The following P4HA3 variants were observed in gnomAD, a reference collection of about 807,000 sequenced individuals.
P4HA3 encodes the protein prolyl 4-hydroxylase subunit alpha 3.
Under a neutral mutation model 66.7 loss-of-function variants are expected in P4HA3, and 60 were observed. The observed-to-expected ratio is 0.90, with a 90% CI of 0.73 to 1.12. The LOEUF (loss-of-function observed/expected upper bound fraction) is 1.12, where lower values mean the gene tolerates loss of function less well. P4HA3 is among the 50% of genes most tolerant of loss of function. The pLI, the probability that P4HA3 is intolerant of heterozygous loss-of-function variation, is 0.00. For missense variants in P4HA3, 683 were observed against 685.8 expected (o/e 1.00, Z 0.05); for synonymous variants, 263 against 274.6 (o/e 0.96, Z 0.42).
intron 3 of P4HA3, among the ~76,000 whole-genome samples, chr11:74,300,494 C>G (rs1399147721): frequency 2.0e-5 from 3 of 152,150 alleles, no homozygotes; most frequent in African/African-American, 7.2e-5. Flanking sequence ...TGGGGCACAC[C>G]TGTAGTCCTA....
At chr11:74,298,150 A>G (rs1861286626) in intron 4 of P4HA3, 62 bp downstream of exon 4, 1 of 1,542,068 alleles carries the variant, frequency 6.5e-7, no homozygotes, top group African/African-American at 1.4e-5. Flanking sequence ...AGAAATTGTA[A>G]AGCAGCTATA....
chr11:74,263,324 A>G (rs1050038568), downstream of P4HA3, among the ~76,000 whole-genome samples: 3 of 152,244 alleles, frequency 2.0e-5, no homozygotes, highest in Non-Finnish European at 4.4e-5. Flanking sequence ...AAGAGTTCTT[A>G]ACCATTAGGC....
intron 7 of P4HA3, among the ~76,000 whole-genome samples, chr11:74,282,299 T>C (rs1221268717): frequency 6.6e-6 from 1 of 152,188 alleles, no homozygotes; most frequent in African/African-American, 2.4e-5. Flanking sequence ...TGCTAGGCAC[T>C]GGAAAAACAA....
chr11:74,268,281 G>A (rs755129309), intron 11 of P4HA3, 40 bp from the exon 12 acceptor site: 1 of 1,533,052 alleles, frequency 6.5e-7, no homozygotes, highest in East Asian at 2.3e-5. Context: ...GGTCAGCCCA[G>A]AACCTCAGTC....
At chr11:74,264,223 C>T (rs945000986), downstream of P4HA3, among the ~76,000 whole-genome samples, 5 of 152,150 alleles carry the variant, frequency 3.3e-5, no homozygotes, top group African/African-American at 1.2e-4. Flanking sequence ...CCCCAGGAAG[C>T]CACTAACCAT....
At chr11:74,291,029 T>C (rs373953876) in intron 4 of P4HA3, among the ~76,000 whole-genome samples, 3 of 152,194 alleles carry the variant, frequency 2.0e-5, no homozygotes, top group Admixed American at 6.5e-5. Context: ...TATAAATTAC[T>C]TTGGGCAGTA....
In P4HA3 at chr11:74,304,423, GGA is replaced by G; in HGVS notation, c.201-13_201-12del. ...ACCTTGTCGTAGAATCTGAAAGAAAGGAGTAGAATGATCTCACCTCCTGATAC... is the reference window on the plus strand; with the variant it reads ...ACCTTGTCGTAGAATCTGAAAGAAAGGTAGAATGATCTCACCTCCTGATAC... On this transcript the variant is annotated splice_polypyrimidine_tract_variant and intron_variant, in intron 1 of 12. Coordinates refer to ENST00000331597, the MANE Select transcript of P4HA3 (RefSeq NM_182904.5). 6.2e-7 allele frequency: 1 copy of G among 1,613,852 alleles called. No homozygotes were observed. Among genetic ancestry groups the G allele is most frequent in the Non-Finnish European group, 8.5e-7 (1 of 1,179,846 alleles).
intron 1 of P4HA3, among the ~76,000 whole-genome samples, chr11:74,306,820 C>T (rs1861593956): frequency 6.6e-6 from 1 of 152,190 alleles, no homozygotes; most frequent in South Asian, 2.1e-4. Context: ...GGACCTGGGT[C>T]TCCCAGTGGG....
chr11:74,310,257 T>C (rs1310355011), intron 1 of P4HA3, among the ~76,000 whole-genome samples: 1 of 152,232 alleles, frequency 6.6e-6, no homozygotes, highest in Non-Finnish European at 1.5e-5. Flanking sequence ...TTTTTGTCAG[T>C]TGGACACTGC....
At chr11:74,270,171 A>C (rs140209419) in intron 10 of P4HA3, among the ~76,000 whole-genome samples, 71 of 152,260 alleles carry the variant, frequency 4.7e-4, no homozygotes, top group East Asian at 4.6e-3. Context: ...ATTTTATTCT[A>C]TTCTAGTGTG....
chr11:74,302,774 G>C (rs547597047), intron 2 of P4HA3, among the ~76,000 whole-genome samples, 182 bp from the exon 3 acceptor site: 10 of 152,242 alleles, frequency 6.6e-5, no homozygotes, highest in Non-Finnish European at 1.5e-4. Flanking sequence ...TCTGAATGAG[G>C]AACATTCAGA....
intron 8 of P4HA3, 141 bp from the exon 9 acceptor site, chr11:74,277,285 A>T: frequency 9.0e-7 from 1 of 1,114,192 alleles, no homozygotes; most frequent in Non-Finnish European, 1.3e-6. Flanking sequence ...AGAGGGAGGG[A>T]AGACAGACAT....
chr11:74,287,860 T>C (rs775571372), intron 5 of P4HA3, among the ~76,000 whole-genome samples: 23 of 151,932 alleles, frequency 1.5e-4, no homozygotes, highest in Non-Finnish European at 2.4e-4. Flanking sequence ...CTGCTAAAAA[T>C]ATAAAAATTA....
Position 74,289,148 on chromosome 11 carries a change from A to G in P4HA3, c.718-18T>C. 1.9e-6 allele frequency: 3 copies of G among 1,561,400 alleles called. No individual in the cohort carries two copies. Among genetic ancestry groups the G allele is most frequent in the Admixed American group, 1.9e-5 (1 of 52,348 alleles). ...TTTCCTGCCTGTTAAAAAAAAAAAA[A>G]AGAAAAGAAAGCATTAACTTCACTG... On this transcript the variant is annotated intron_variant, in intron 4 of 12. Transcript: ENST00000331597.
chr11:74,277,289 C>A (rs901176185), intron 8 of P4HA3, 145 bp from the exon 9 acceptor site: 56 of 1,090,596 alleles, frequency 5.1e-5, no homozygotes, highest in Non-Finnish European at 7.0e-5. Flanking sequence ...GGAGGGAAGA[C>A]AGACATAAAT....
Position 74,266,770 on chromosome 11 carries a change from G to T in P4HA3, c.*478C>A, listed in dbSNP as rs766500272. 4.7e-6 allele frequency: 2 copies of T among 421,504 alleles called. No individual in the cohort carries two copies. Among genetic ancestry groups the T allele is most frequent in the Non-Finnish European group, 8.4e-6 (2 of 237,356 alleles). 26.1% of individuals were successfully genotyped at this position (421,504 alleles called of 1,614,324 possible). A position where few individuals can be genotyped will look rare whatever the true frequency, so the allele number is the denominator to read the frequency against. On this transcript the variant is annotated 3_prime_UTR_variant, in exon 13 of 13. Transcript: ENST00000331597. ...ATAATGTACCACTCATCTGGGATATGCTTCTGGGAGGGGGACACTCCCTGC... is the reference window on the plus strand; with the variant it reads ...ATAATGTACCACTCATCTGGGATATTCTTCTGGGAGGGGGACACTCCCTGC...
chr11:74,253,665 G>A lies in P4HA3; in HGVS notation c.*1319-5664C>T, dbSNP rs911482829. 8 of 801,124 alleles carry A rather than the reference G, an allele frequency of 1.0e-5. No homozygotes were observed. The African/African-American group carries it at 1.2e-4, about 12-fold the overall frequency. 49.6% of individuals were successfully genotyped at this position (801,124 alleles called of 1,614,324 possible). A position where few individuals can be genotyped will look rare whatever the true frequency, so the allele number is the denominator to read the frequency against. On this transcript the variant is annotated intron_variant and NMD_transcript_variant, in intron 15 of 15. Coordinates refer to the P4HA3 transcript ENST00000524388. ...CCCCGAGATGTACCAACCTTTTCAT[G>A]TATTCTGCCAAAAGCATTGTTTTCC...
downstream of P4HA3, among the ~76,000 whole-genome samples, chr11:74,265,780 C>G (rs1352079874): frequency 6.6e-6 from 1 of 152,140 alleles, no homozygotes; most frequent in East Asian, 1.9e-4. Flanking sequence ...AGCACAGAGC[C>G]TAGTGGGAGC....
intron 3 of P4HA3, 66 bp downstream of exon 3, chr11:74,302,303 G>C: frequency 7.3e-7 from 1 of 1,372,476 alleles, no homozygotes. Context: ...AAATCAATCG[G>C]TACATAGTTA....
Sources: gnomAD v4.1 joint callset for allele counts (sites outside exome capture counted in the v4.1 genomes callset) on GRCh38, gnomAD v4.1.1 for gene constraint, MANE v1.5 for transcripts, NCBI Gene and HGNC (gene_info 2026-07-23, HGNC 2026-07-21) for gene names.